TSHZ3: variants seen among roughly 807,000 people sequenced by gnomAD.
TSHZ3 encodes teashirt homolog 3.
TSHZ3 carries 10 observed loss-of-function variants against 64.5 expected under a neutral mutation model. That is an observed-to-expected ratio of 0.16 (90% CI 0.10 to 0.26). The LOEUF is 0.26. Ranked by LOEUF, TSHZ3 falls within the 10% of genes least tolerant of loss-of-function variation. The probability of loss-of-function intolerance (pLI) is 1.00; values close to 1 mark genes in which losing one functional copy is unlikely to be tolerated. For missense variants in TSHZ3, 1,242 were observed against 1,421.7 expected (o/e 0.87, Z 2.03); for synonymous variants, 608 against 593.1 (o/e 1.03, Z -0.36).
At chr19:31,173,571 T>C (rs1207215997) in intron 5 of TSHZ3, among the ~76,000 whole-genome samples, 2 of 152,204 alleles carry the variant, frequency 1.3e-5, no homozygotes, top group South Asian at 2.1e-4. Context: ...TACTTCTGTC[T>C]GTTTCTTGAA....
Position 31,277,970 on chromosome 19 carries a change from T to G in TSHZ3, c.1823A>C (p.His608Pro). The G allele has an allele frequency of 6.2e-7, 1 of 1,614,222 alleles. No homozygotes were observed. The highest frequency in any genetic ancestry group is 8.5e-7 in the Non-Finnish European group (1 of 1,180,038). ...QTSPMPKTNF[H>P]AMEELVKKVT... ...CTTTTTCACCAGCTCCTCCATGGCATGAAAGTTTGTCTTGGGCATGGGGGA... is the reference window on the plus strand; with the variant it reads ...CTTTTTCACCAGCTCCTCCATGGCAGGAAAGTTTGTCTTGGGCATGGGGGA... Residue 608 changes from histidine to proline, a missense_variant, in exon 2 of 2, where the codon CAT becomes CCT. Transcript: ENST00000240587. The surrounding 1 kb of genome is among the most constrained non-coding windows in gnomAD (Gnocchi z 4.5).
chr19:31,235,353 C>G (rs1975592410), intron 3 of TSHZ3, among the ~76,000 whole-genome samples: 1 of 152,142 alleles, frequency 6.6e-6, no homozygotes, highest in Non-Finnish European at 1.5e-5. Flanking sequence ...CCATTTCCCC[C>G]CAACCCCAAC....
intron 1 of TSHZ3, among the ~76,000 whole-genome samples, chr19:31,320,054 G>A (rs1373113041): frequency 6.6e-6 from 1 of 150,982 alleles, no homozygotes; most frequent in Non-Finnish European, 1.5e-5. Flanking sequence ...GTATTAGGGA[G>A]CTCACACCCT....
chr19:31,277,520 G>A lies in TSHZ3; in HGVS notation c.2273C>T (p.Ala758Val), dbSNP rs369883581. The A allele has an allele frequency of 1.1e-5, 17 of 1,604,444 alleles. No individual in the cohort carries two copies. The highest frequency in any genetic ancestry group is 3.4e-5 in the Admixed American group (2 of 59,362). The part of the protein sequence containing the change: ...SMLFKMSNSL[A>V]EKAAVATPPP... ...CGGGGTGGCCACAGCAGCCTTCTCC[G>A]CCAGGCTGTTGCTCATCTTGAAAAG... Residue 758 changes from alanine (A) to valine (V), a missense_variant, in exon 2 of 2, where the codon GCG becomes GTG. Physicochemically the swap from Ala to Val is moderately conservative, Grantham distance 64. Around this residue, in one of 4 missense-constraint regions of TSHZ3, gnomAD observed 550 missense variants for 545.1 expected, o/e 1.01. Coordinates refer to ENST00000240587, the MANE Select transcript of TSHZ3 (RefSeq NM_020856.4). This position sits in a 1 kb window ranked among gnomAD's most constrained non-coding sequence, Gnocchi z 4.5.
intron 1 of TSHZ3, among the ~76,000 whole-genome samples, chr19:31,264,269 C>T (rs938433642): frequency 3.3e-5 from 5 of 152,216 alleles, no homozygotes; most frequent in Admixed American, 2.0e-4. Context: ...CATCAGCTGC[C>T]TTATCCTGGG....
At chr19:31,291,423 G>A (rs1277070168) in intron 1 of TSHZ3, among the ~76,000 whole-genome samples, 1 of 152,138 alleles carries the variant, frequency 6.6e-6, no homozygotes, top group African/African-American at 2.4e-5. Flanking sequence ...TCTTCATGAG[G>A]GGGATGGCTC....
intron 1 of TSHZ3, among the ~76,000 whole-genome samples, chr19:31,245,382 T>C (rs1975747387): frequency 6.6e-6 from 1 of 152,168 alleles, no homozygotes; most frequent in Non-Finnish European, 1.5e-5. Context: ...AGGGGGGCTA[T>C]TGCTCATATG....
intron 1 of TSHZ3, among the ~76,000 whole-genome samples, chr19:31,254,256 T>C (rs542905804): frequency 2.8e-3 from 430 of 152,344 alleles, no homozygotes; most frequent in African/African-American, 9.9e-3. Context: ...TTCAAGGTCA[T>C]GCCTGGTTAG....
chr19:31,179,511 T>C (rs1974666166), intron 5 of TSHZ3, among the ~76,000 whole-genome samples: 1 of 152,044 alleles, frequency 6.6e-6, no homozygotes, highest in Non-Finnish European at 1.5e-5. Flanking sequence ...AGATAGAAAG[T>C]AGATTTGGAG....
chr19:31,338,793 T>C (rs1273783389), intron 1 of TSHZ3, among the ~76,000 whole-genome samples: 1 of 152,064 alleles, frequency 6.6e-6, no homozygotes, highest in Non-Finnish European at 1.5e-5. Flanking sequence ...TTATTCAAAA[T>C]TAAAGCCTTC....
chr19:31,343,860 G>A (rs1275782277), intron 1 of TSHZ3, among the ~76,000 whole-genome samples: 1 of 151,450 alleles, frequency 6.6e-6, no homozygotes, highest in Non-Finnish European at 1.5e-5. Flanking sequence ...TAAAAATTTA[G>A]TGACTAATTG....
chr19:31,277,312 T>C lies in TSHZ3; in HGVS notation c.2481A>G (p.Thr827=). Residue 827 remains threonine, a synonymous_variant, in exon 2 of 2, where the codon ACA becomes ACG. Transcript: ENST00000240587. The surrounding 1 kb of genome is among the most constrained non-coding windows in gnomAD (Gnocchi z 4.5). ...TSSSTVTTAK[T]SAVVSFMSNS... is the part of the protein sequence containing the mutation. ...TTGACATGAATGATACGACGGCAGA[T>C]GTCTTTGCCGTTGTCACCGTGGATG... 1 of 1,613,380 alleles carries C rather than the reference T, an allele frequency of 6.2e-7. No individual in the cohort carries two copies. The highest frequency in any genetic ancestry group is 8.5e-7 in the Non-Finnish European group (1 of 1,179,300).
At chr19:31,295,370 C>G (rs564743139) in intron 1 of TSHZ3, among the ~76,000 whole-genome samples, 1 of 152,192 alleles carries the variant, frequency 6.6e-6, no homozygotes, top group African/African-American at 2.4e-5. Context: ...TCCTTTGATA[C>G]GCTATTCACA....
intron 5 of TSHZ3, among the ~76,000 whole-genome samples, chr19:31,156,884 T>G (rs1464868668): frequency 1.3e-5 from 2 of 152,172 alleles, no homozygotes; most frequent in Non-Finnish European, 2.9e-5. Context: ...GTTACGGCAC[T>G]GAGAAGGTAG....
chr19:31,179,101 A>C (rs1426301577), intron 5 of TSHZ3, among the ~76,000 whole-genome samples: 1 of 152,134 alleles, frequency 6.6e-6, no homozygotes, highest in Non-Finnish European at 1.5e-5. Context: ...GGACACACCC[A>C]AGGTTGACTG....
rs114791889 is a variant in TSHZ3 at position 31,223,952 on chromosome 19, G to T, written n.686+4053C>A. On this transcript the variant is annotated intron_variant and non_coding_transcript_variant, in intron 4 of 6. Transcript: ENST00000651361. The stretch of plus-strand genomic sequence containing the variant: ...GGTGTTTACTCAGAGGAGGCTACTT[G>T]CGTCCAACTCCTTGCAGCTCTAACA... Among the ~76,000 whole-genome samples, 554 of 152,290 alleles carry T rather than the reference G, an allele frequency of 3.6e-3. 4 individuals carry two copies. The highest frequency in any genetic ancestry group is 0.012 in the African/African-American group (512 of 41,568).
intron 3 of TSHZ3, among the ~76,000 whole-genome samples, chr19:31,237,092 G>A (rs1473346122): frequency 1.3e-5 from 2 of 152,110 alleles, no homozygotes; most frequent in African/African-American, 4.8e-5. Context: ...AGGCTGCAGT[G>A]CACAGAGATC....
intron 5 of TSHZ3, among the ~76,000 whole-genome samples, chr19:31,164,709 C>A (rs769115405): frequency 6.6e-6 from 1 of 152,186 alleles, no homozygotes; most frequent in Admixed American, 6.5e-5. Flanking sequence ...AAGGACGCTG[C>A]GTGCATGAAG....
intron 5 of TSHZ3, among the ~76,000 whole-genome samples, chr19:31,182,025 C>G (rs1974725876): frequency 6.6e-6 from 1 of 152,188 alleles, no homozygotes; most frequent in Non-Finnish European, 1.5e-5. Flanking sequence ...GTCATCCCCA[C>G]TGCAAACCAT....
Sources: gnomAD v4.1 joint callset for allele counts (sites outside exome capture counted in the v4.1 genomes callset) on GRCh38, gnomAD v4.1.1 for gene constraint, gnomAD v4.1.1 regional missense constraint, Gnocchi (gnomAD v3.1) non-coding constraint, MANE v1.5 for transcripts, NCBI Gene and HGNC (gene_info 2026-07-23, HGNC 2026-07-21) for gene names.